Variants in ADGRG5 observed in about 807,000 individuals in gnomAD.
ADGRG5 encodes adhesion G protein-coupled receptor G5.
A neutral mutation model predicts 53.2 loss-of-function variants in ADGRG5; 37 were observed. The observed-to-expected ratio is 0.70, with a 90% CI of 0.53 to 0.91. The LOEUF is 0.91. ADGRG5 is among the 40% of genes least tolerant of loss of function. The pLI is 0.00. For missense variants in ADGRG5, 614 were observed against 675.8 expected (o/e 0.91, Z 1.01); for synonymous variants, 277 against 290.4 (o/e 0.95, Z 0.47).
intron 1 of ADGRG5, among the ~76,000 whole-genome samples, chr16:57,549,083 A>C (rs1254502864): frequency 6.6e-6 from 1 of 152,236 alleles, no homozygotes; most frequent in Non-Finnish European, 1.5e-5. Context: ...AGACATTCAC[A>C]TAGCTTTCAA....
the ADGRG5 span, among the ~76,000 whole-genome samples, chr16:57,537,092 G>C: frequency 3.9e-5 from 6 of 152,192 alleles, no homozygotes; most frequent in African/African-American, 7.2e-5. Flanking sequence ...TTAAGAGGTG[G>C]GGGGCGCGGG....
At chr16:57,575,146 G>T in intron 11 of ADGRG5, 54 bp downstream of exon 11, 1 of 1,564,878 alleles carries the variant, frequency 6.4e-7, no homozygotes. Context: ...TGTATGGCTG[G>T]TGGGATGTTC....
chr16:57,561,703 T>C (rs1291955002), intron 1 of ADGRG5, among the ~76,000 whole-genome samples: 1 of 152,168 alleles, frequency 6.6e-6, no homozygotes, highest in Admixed American at 6.5e-5. Context: ...ATGGCAGGGC[T>C]GGATGGGGTT....
intron 1 of ADGRG5, among the ~76,000 whole-genome samples, chr16:57,543,902 T>C (rs2032554404): frequency 6.6e-6 from 1 of 152,128 alleles, no homozygotes; most frequent in African/African-American, 2.4e-5. Context: ...TTCTGGGAAA[T>C]AGATTTCCTT....
Position 57,575,559 on chromosome 16 carries a change from ATCC to A in ADGRG5, c.*24_*26del, listed in dbSNP as rs2033494601. 1.3e-6 allele frequency: 2 copies of A among 1,584,916 alleles called. No homozygotes were observed. The highest frequency in any genetic ancestry group is 1.3e-5 in the African/African-American group (1 of 74,388). ...AGTAGTCCGGGCCTCCTGGCCTGGA[ATCC>A]TCAGCCTCTCTGGCCGCCAGTAGCC... On this transcript the variant is annotated 3_prime_UTR_variant, in exon 12 of 12. Coordinates refer to ENST00000349457, the MANE Select transcript of ADGRG5 (RefSeq NM_001304376.3).
Position 57,569,964 on chromosome 16 carries a change from T to C in ADGRG5, c.1091-454T>C, listed in dbSNP as rs117479155. 9.3e-4 allele frequency among the ~76,000 whole-genome samples: 138 copies of C among 148,862 alleles called. No individual in the cohort carries two copies. In the East Asian group the frequency reaches 0.022, roughly 24 times the overall value. ...CCATCAGCACCATCATCACCTCCTC[T>C]ACCTCCATTACCGCCTTCATTTTCT... On this transcript the variant is annotated intron_variant, in intron 9 of 11. Transcript: ENST00000349457.
chr16:57,546,114 C>T (rs2032614440), intron 1 of ADGRG5, among the ~76,000 whole-genome samples: 1 of 152,124 alleles, frequency 6.6e-6, no homozygotes, highest in African/African-American at 2.4e-5. Context: ...GTGTGAGCCA[C>T]CGTGTCTGGC....
At chr16:57,530,931 G>A in the ADGRG5 span, among the ~76,000 whole-genome samples, 1 of 151,770 alleles carries the variant, frequency 6.6e-6, no homozygotes, top group East Asian at 2.0e-4. Flanking sequence ...GACCCACCGT[G>A]GCACCTGCTT....
chr16:57,530,634 G>A, the ADGRG5 span, among the ~76,000 whole-genome samples: 1 of 152,042 alleles, frequency 6.6e-6, no homozygotes, highest in African/African-American at 2.4e-5. Flanking sequence ...CAAGCCCCAC[G>A]GCCCCCTCCT....
rs1244946272 is a variant in ADGRG5, at chr16:57,576,962, A to G, written c.*1424A>G. 1 of 152,214 alleles carries G rather than the reference A, an allele frequency of 6.6e-6. No individual in the cohort carries two copies. The highest frequency in any genetic ancestry group is 1.5e-5 in the Non-Finnish European group (1 of 68,038). The allele number at this position is 152,214 out of a possible 1,614,324, so 9.4% of individuals were successfully genotyped here. A position where few individuals can be genotyped will look rare whatever the true frequency, so the allele number is the denominator to read the frequency against. The stretch of plus-strand genomic sequence containing the variant: ...GCTCTTCTGTACATTTCTAGATGCA[A>G]ATAACTCCTTCACCAGGCAGTGAGT... On this transcript the variant is annotated 3_prime_UTR_variant, in exon 12 of 12. Transcript: ENST00000349457.
chr16:57,561,600 C>G (rs1382153369), intron 1 of ADGRG5, among the ~76,000 whole-genome samples: 1 of 152,172 alleles, frequency 6.6e-6, no homozygotes, highest in African/African-American at 2.4e-5. Context: ...TAAATTTGCT[C>G]TATTGAAGCA....
At chr16:57,567,339 C>A (rs1203602152) in intron 7 of ADGRG5, 131 bp from the exon 8 acceptor site, 7 of 1,000,172 alleles carry the variant, frequency 7.0e-6, no homozygotes, top group Non-Finnish European at 7.2e-6. Context: ...TGGCCTTGTT[C>A]AAGCCAGGTC....
At chr16:57,556,412 T>C (rs1459223461) in intron 1 of ADGRG5, among the ~76,000 whole-genome samples, 27 of 152,244 alleles carry the variant, frequency 1.8e-4, no homozygotes, top group African/African-American at 6.5e-4. Flanking sequence ...TTATTTTGGA[T>C]TGAGCAGTTT....
chr16:57,575,129 C>CA, intron 11 of ADGRG5, 37 bp downstream of exon 11: 1 of 1,586,084 alleles, frequency 6.3e-7, no homozygotes, highest in Non-Finnish European at 8.6e-7. Flanking sequence ...AGCTACCTGG[C>CA]AGGGGGTGTA....
At chr16:57,543,572 C>T (rs938689457) in intron 1 of ADGRG5, among the ~76,000 whole-genome samples, 1 of 152,130 alleles carries the variant, frequency 6.6e-6, no homozygotes, top group South Asian at 2.1e-4. Context: ...CGTGAGCCAC[C>T]GTTCCTGGCC....
intron 6 of ADGRG5, chr16:57,566,380 CTG>C: frequency 2.4e-6 from 1 of 414,310 alleles, no homozygotes; most frequent in Non-Finnish European, 4.3e-6. Flanking sequence ...GATGACTAAA[CTG>C]AGGCTCAGAG....
chr16:57,562,671 A>G, intron 3 of ADGRG5: 1 of 576,506 alleles, frequency 1.7e-6, no homozygotes, highest in Non-Finnish European at 3.1e-6. Context: ...CATAGATGTC[A>G]TGACACTAAG....
At position 57,566,615 on chromosome 16, in the gene ADGRG5, C is replaced by A; in HGVS notation, c.563C>A (p.Thr188Asn). Residue 188 changes from threonine (T) to asparagine (N), a missense_variant, in exon 7 of 12, where the codon ACC becomes AAC. Thr to Asn is a moderately conservative substitution (Grantham distance 65). Transcript: ENST00000349457. ...TCCACCCAGGAAGGCTACACCCTGACCTGTGTCTTCTGGAAGGAGGGAGCC... is the reference window on the plus strand; with the variant it reads ...TCCACCCAGGAAGGCTACACCCTGAACTGTGTCTTCTGGAAGGAGGGAGCC... ...HNQSLEGYTLTCVFWKEGARK... is the reference protein window; with the variant it reads ...HNQSLEGYTLNCVFWKEGARK... 6.4e-7 allele frequency: 1 copy of A among 1,563,156 alleles called. No homozygotes were observed. The highest frequency in any genetic ancestry group is 1.9e-5 in the Admixed American group (1 of 52,018).
At chr16:57,563,573 C>T (rs767287858) in intron 4 of ADGRG5, among the ~76,000 whole-genome samples, 13 of 152,156 alleles carry the variant, frequency 8.5e-5, no homozygotes, top group Admixed American at 4.6e-4. Context: ...TCAGCTGGAT[C>T]CCTGGCAGGG....
Sources: gnomAD v4.1 joint callset for allele counts (sites outside exome capture counted in the v4.1 genomes callset) on GRCh38, gnomAD v4.1.1 for gene constraint, MANE v1.5 for transcripts, NCBI Gene and HGNC (gene_info 2026-07-23, HGNC 2026-07-21) for gene names.